The following POR variants were observed in gnomAD, a reference collection of about 807,000 sequenced individuals.
POR encodes the protein cytochrome p450 oxidoreductase, also known as NADPH--cytochrome P450 reductase.
Under a neutral mutation model 84.0 loss-of-function variants are expected in POR, and 56 were observed. The ratio of observed to expected loss-of-function variants is 0.67; its 90% CI spans 0.54 to 0.83. POR has a LOEUF of 0.83. Among genes scored for constraint, POR ranks in the 40% least tolerant of loss-of-function variants. The pLI is 0.00. For synonymous variants in POR, 414 were observed against 400.5 expected, an observed-to-expected ratio of 1.03 and a Z score of -0.40; for missense variants, 938 against 944.3, an observed-to-expected ratio of 0.99 and a Z score of 0.09.
At chr7:75,983,923 C>G (rs899780848) in intron 10 of POR, 67 bp downstream of exon 10, 2 of 1,306,072 alleles carry the variant, frequency 1.5e-6, no homozygotes, top group Admixed American at 2.3e-5. Context: ...GTAGGAAGGC[C>G]CTGGGTTGAG....
At chr7:75,948,130 C>T (rs1047078514) in intron 1 of POR, among the ~76,000 whole-genome samples, 5 of 152,140 alleles carry the variant, frequency 3.3e-5, no homozygotes, top group Admixed American at 2.0e-4. Context: ...GAGCACAGCC[C>T]GGTGGGAAGC....
chr7:75,942,723 G>A (rs1205777333), intron 1 of POR, among the ~76,000 whole-genome samples: 2 of 151,636 alleles, frequency 1.3e-5, no homozygotes, highest in Non-Finnish European at 2.9e-5. Flanking sequence ...TTCTAACCTT[G>A]ACAGTCTAGG....
intron 1 of POR, among the ~76,000 whole-genome samples, chr7:75,916,295 TC>T (rs1806565030): frequency 6.6e-6 from 1 of 152,200 alleles, no homozygotes; most frequent in Non-Finnish European, 1.5e-5. Context: ...GGATCCAGTA[TC>T]CCCACCGTTG....
chr7:75,950,305 G>A (rs1235030175), intron 1 of POR, among the ~76,000 whole-genome samples: 2 of 152,202 alleles, frequency 1.3e-5, no homozygotes, highest in African/African-American at 4.8e-5. Flanking sequence ...TTTATTAATA[G>A]AAACTGCCAT....
intron 1 of POR, among the ~76,000 whole-genome samples, chr7:75,937,931 G>A (rs1457706928): frequency 6.6e-6 from 1 of 152,194 alleles, no homozygotes; most frequent in Non-Finnish European, 1.5e-5. Context: ...TGGAGCTTAG[G>A]GGAGCTGTGG....
chr7:75,917,534 G>A (rs1554548212), intron 1 of POR, among the ~76,000 whole-genome samples: 1 of 152,024 alleles, frequency 6.6e-6, no homozygotes, highest in Admixed American at 6.6e-5. Flanking sequence ...CACTAGCACC[G>A]TGTGTGGCCT....
chr7:75,973,713 G>A (rs528911479), intron 3 of POR, among the ~76,000 whole-genome samples: 352 of 96,180 alleles, frequency 3.7e-3, no homozygotes, highest in Middle Eastern at 0.014. Flanking sequence ...ACAGAGTCTC[G>A]CTCTGTCGCC....
chr7:75,952,277 G>A (rs1585103719), intron 1 of POR, among the ~76,000 whole-genome samples: 1 of 137,884 alleles, frequency 7.3e-6, no homozygotes, highest in African/African-American at 2.7e-5. Context: ...GCGGCTGGCC[G>A]GGCGGGGGGC....
chr7:75,969,676 C>G (rs186595799), intron 2 of POR, among the ~76,000 whole-genome samples: 22 of 152,320 alleles, frequency 1.4e-4, no homozygotes, highest in Non-Finnish European at 2.1e-4. Flanking sequence ...TCAGCTGATG[C>G]CAGGTCAGAC....
intron 2 of POR, among the ~76,000 whole-genome samples, chr7:75,965,477 C>A (rs1788137617): frequency 6.6e-6 from 1 of 152,166 alleles, no homozygotes; most frequent in Non-Finnish European, 1.5e-5. Flanking sequence ...CCCTCGGACC[C>A]CTAGCTCTTG....
chr7:75,971,889 C>T (rs904240401), intron 2 of POR, among the ~76,000 whole-genome samples: 8 of 151,946 alleles, frequency 5.3e-5, no homozygotes, highest in Admixed American at 2.6e-4. Context: ...TGGCAGGTGA[C>T]GCTGGAGACA....
intron 1 of POR, among the ~76,000 whole-genome samples, chr7:75,951,332 T>C (rs1787412722): frequency 6.6e-6 from 1 of 152,000 alleles, no homozygotes; most frequent in African/African-American, 2.4e-5. Context: ...AGGCGGAGGT[T>C]GCAGTGAGTC....
At chr7:75,920,266 C>T (rs1462563431) in intron 1 of POR, among the ~76,000 whole-genome samples, 7 of 151,662 alleles carry the variant, frequency 4.6e-5, no homozygotes, top group Admixed American at 6.6e-5. Flanking sequence ...GATGAGGTTT[C>T]ACTGTGTTGG....
intron 1 of POR, among the ~76,000 whole-genome samples, chr7:75,940,645 G>A (rs541343895): frequency 1.1e-3 from 170 of 151,958 alleles, no homozygotes; most frequent in Non-Finnish European, 2.1e-3. Flanking sequence ...TTAGCCGGGT[G>A]TGGTGGCAGG....
rs543061978 is a variant in POR, at chr7:75,958,171, C to T, written c.188+3991C>T. The stretch of plus-strand genomic sequence containing the variant: ...TCACTCTGTCGTTCAGGCTGGAATA[C>T]GCTGGCACGATCTCGGCTCACTGCA... On this transcript the variant is annotated intron_variant, in intron 2 of 15. Transcript: ENST00000461988. 5.6e-4 allele frequency among the ~76,000 whole-genome samples: 86 copies of T among 152,280 alleles called. 1 individual carries two copies. The South Asian group carries it at 0.016, about 28-fold the overall frequency.
intron 1 of POR, chr7:75,943,837 GA>G (rs782118674): frequency 1.8e-5 from 9 of 511,080 alleles, no homozygotes; most frequent in Non-Finnish European, 3.5e-5. Flanking sequence ...AGATATGAGC[GA>G]ATGCTATAGA....
Position 75,917,335 on chromosome 7 carries a change from T to C in POR, c.-5+2156T>C, listed in dbSNP as rs190398380. 3.3e-3 allele frequency among the ~76,000 whole-genome samples: 508 copies of C among 151,982 alleles called. 3 individuals carry two copies. Among genetic ancestry groups the C allele is most frequent in the Admixed American group, 7.6e-3 (116 of 15,250 alleles). ...CTCCTGCTTTGACCTCCTAAAGTGC[T>C]GAGATTACAGGTGTGAGCCACCGTT... On this transcript the variant is annotated intron_variant, in intron 1 of 15. Coordinates refer to ENST00000461988, the MANE Select transcript of POR (RefSeq NM_000941.3).
chr7:75,924,859 T>C, intron 1 of POR, among the ~76,000 whole-genome samples: 1 of 152,196 alleles, frequency 6.6e-6, no homozygotes, highest in South Asian at 2.1e-4. Context: ...GTGAGCATGG[T>C]CATCCCGGAG....
intron 1 of POR, among the ~76,000 whole-genome samples, chr7:75,936,388 G>A (rs371683705): frequency 2.2e-4 from 34 of 151,974 alleles, no homozygotes; most frequent in Admixed American, 1.8e-3. Context: ...GATTATAGGC[G>A]TGAGCCACTA....
Sources: allele counts gnomAD v4.1 joint callset (sites outside exome capture counted in the v4.1 genomes callset), GRCh38; gene constraint gnomAD v4.1.1; transcripts MANE v1.5; gene names NCBI Gene and HGNC (gene_info 2026-07-23, HGNC 2026-07-21).